VAPA: variants seen among roughly 807,000 people sequenced by gnomAD.
The protein encoded by VAPA is vesicle-associated membrane protein-associated protein A.
VAPA carries 6 observed loss-of-function variants against 25.6 expected under a neutral mutation model. That is an observed-to-expected ratio of 0.23 (90% CI 0.13 to 0.46). VAPA has a LOEUF of 0.46. Ranked by LOEUF, VAPA falls within the 20% of genes least tolerant of loss-of-function variation. The pLI is 0.99. For missense variants in VAPA, 244 were observed against 302.1 expected, an observed-to-expected ratio of 0.81 and a Z score of 1.43; for synonymous variants, 112 against 106.2, an observed-to-expected ratio of 1.05 and a Z score of -0.34.
At chr18:9,920,449 T>G (rs2069147063) in intron 1 of VAPA, among the ~76,000 whole-genome samples, 1 of 152,162 alleles carries the variant, frequency 6.6e-6, no homozygotes, top group African/African-American at 2.4e-5. Context: ...ATTACAGGCG[T>G]GCACCACCAT....
At chr18:9,914,795 A>T (rs892973326) in intron 1 of VAPA, 1 of 152,336 alleles carries the variant, frequency 6.6e-6, no homozygotes, top group Non-Finnish European at 1.5e-5. Flanking sequence ...AGGTGGCGCA[A>T]GCTGCGTCTG....
At chr18:9,916,413 C>T (rs1033564529) in intron 1 of VAPA, among the ~76,000 whole-genome samples, 3 of 152,214 alleles carry the variant, frequency 2.0e-5, no homozygotes, top group Non-Finnish European at 4.4e-5. Context: ...CCCCATCCCT[C>T]CCTTAGGAAG....
At chr18:9,945,227 CA>C (rs1291337355) in intron 4 of VAPA, among the ~76,000 whole-genome samples, 1 of 151,874 alleles carries the variant, frequency 6.6e-6, no homozygotes, top group Non-Finnish European at 1.5e-5. Flanking sequence ...ATCATGCATA[CA>C]AACTATTCTG....
intron 5 of VAPA, chr18:9,950,943 A>G (rs929984772): frequency 1.5e-5 from 3 of 198,438 alleles, no homozygotes; most frequent in East Asian, 1.4e-4. Flanking sequence ...GATTTGTTCA[A>G]ATTGAGCTGT....
At chr18:9,919,080 G>A (rs1190426350) in intron 1 of VAPA, among the ~76,000 whole-genome samples, 1 of 151,990 alleles carries the variant, frequency 6.6e-6, no homozygotes, top group Admixed American at 6.6e-5. Context: ...TGGGGGTGCC[G>A]CTGTGTTGCC....
chr18:9,938,998 TA>T (rs970373679), intron 4 of VAPA, among the ~76,000 whole-genome samples: 1 of 152,088 alleles, frequency 6.6e-6, no homozygotes, highest in East Asian at 1.9e-4. Context: ...CAAAGTACTT[TA>T]AAAAAAGAGA....
At position 9,959,713 on chromosome 18, in the gene VAPA, C is replaced by T. The variant is rs2069585879; in HGVS notation, c.*5502C>T. 2 of 61,996 alleles carry T rather than the reference C, an allele frequency of 3.2e-5. 1 individual carries two copies. The allele number at this position is 61,996 out of a possible 1,614,324, so 3.8% of individuals were successfully genotyped here. ...TGTGAGAGAGAGAGTGAGTTACTGA[C>T]ATTGTTCCAAAAAAAAAAAAAAAAA... On this transcript the variant is annotated 3_prime_UTR_variant, in exon 6 of 6. Coordinates refer to ENST00000400000, the MANE Select transcript of VAPA (RefSeq NM_194434.3).
chr18:9,932,794 C>G (rs1406330794), intron 2 of VAPA, among the ~76,000 whole-genome samples: 1 of 152,162 alleles, frequency 6.6e-6, no homozygotes, highest in African/African-American at 2.4e-5. Context: ...AGATTGGAAT[C>G]TCTAGGAGCA....
chr18:9,935,201 TAGA>T (rs2069296667), intron 2 of VAPA, among the ~76,000 whole-genome samples: 1 of 152,176 alleles, frequency 6.6e-6, no homozygotes, highest in Admixed American at 6.5e-5. Flanking sequence ...TTTGTTTTCT[TAGA>T]AGATTTAAAT....
At chr18:9,949,577 G>T (rs1330403439) in intron 4 of VAPA, 1 of 152,120 alleles carries the variant, frequency 6.6e-6, no homozygotes, top group East Asian at 1.9e-4. Context: ...GAATAAAGCA[G>T]ATTTTACCTA....
chr18:9,950,382 C>T lies in VAPA; in HGVS notation c.418-13C>T, dbSNP rs1439528308. The T allele has an allele frequency of 8.1e-6, 13 of 1,605,002 alleles. No homozygotes were observed. The highest frequency in any genetic ancestry group is 2.2e-5 in the East Asian group (1 of 44,830). On this transcript the variant is annotated splice_polypyrimidine_tract_variant and intron_variant, in intron 4 of 5. Transcript: ENST00000400000. Reference sequence around the variant, plus strand: ...TGGTTAGTTAAAAAATTCCCAATATCTTTGTAATGCAGAATGATATGGAAC... The same window carrying T: ...TGGTTAGTTAAAAAATTCCCAATATTTTTGTAATGCAGAATGATATGGAAC...
chr18:9,952,209 CTT>C (rs1052330189), intron 5 of VAPA, among the ~76,000 whole-genome samples: 3 of 152,132 alleles, frequency 2.0e-5, no homozygotes, highest in African/African-American at 4.8e-5. Flanking sequence ...GGTTTCTACT[CTT>C]TTTATGCTAG....
At chr18:9,936,306 A>G (rs1267657311) in intron 3 of VAPA, 93 bp downstream of exon 3, 20 of 784,466 alleles carry the variant, frequency 2.5e-5, no homozygotes, top group Non-Finnish European at 3.2e-5. Flanking sequence ...TCTAAAAACT[A>G]AAAGTTAAAT....
intron 4 of VAPA, among the ~76,000 whole-genome samples, chr18:9,939,351 A>G (rs1305739711): frequency 6.6e-6 from 1 of 151,688 alleles, no homozygotes; most frequent in African/African-American, 2.4e-5. Context: ...TTTTGTAGAG[A>G]CGGGATTTTG....
At chr18:9,952,308 G>A (rs1047100365) in intron 5 of VAPA, among the ~76,000 whole-genome samples, 1 of 152,092 alleles carries the variant, frequency 6.6e-6, no homozygotes, top group Non-Finnish European at 1.5e-5. Flanking sequence ...GGCTCACACC[G>A]GTAATCCCAG....
Position 9,959,185 on chromosome 18 carries a change from A to AG in VAPA, c.*4976dup, listed in dbSNP as rs1472045424. On this transcript the variant is annotated 3_prime_UTR_variant, in exon 6 of 6. Transcript: ENST00000400000. ...CTGATCCTAGTGATCTACCATATGA[A>AG]GGACATAGTTTGTGTCCTGGTCCAA... 6.6e-6 allele frequency: 1 copy of AG among 152,216 alleles called. No individual in the cohort carries two copies. Among genetic ancestry groups the AG allele is most frequent in the Non-Finnish European group, 1.5e-5 (1 of 68,026 alleles). The allele number at this position is 152,216 out of a possible 1,614,324, so 9.4% of individuals were successfully genotyped here.
intron 1 of VAPA, among the ~76,000 whole-genome samples, chr18:9,927,234 G>A (rs2069207913): frequency 6.6e-6 from 1 of 152,110 alleles, no homozygotes; most frequent in African/African-American, 2.4e-5. Context: ...AGTAAATACA[G>A]CAAAATGTTC....
Position 9,958,591 on chromosome 18 carries a change from G to C in VAPA, c.*4380G>C, listed in dbSNP as rs73393476. ...TTGGTCTGGGGTGGAGATCTGGCAT[G>C]GTAGTTTTTTTCAAGCTCCAATCAT... is the stretch of plus-strand genomic sequence containing the variant. On this transcript the variant is annotated 3_prime_UTR_variant, in exon 6 of 6. Transcript: ENST00000400000. The C allele has an allele frequency of 6.6e-4, 100 of 152,110 alleles. No individual in the cohort carries two copies. Among genetic ancestry groups the C allele is most frequent in the African/African-American group, 2.3e-3 (97 of 41,518 alleles). The allele number at this position is 152,110 out of a possible 1,614,324, so 9.4% of individuals were successfully genotyped here.
intron 1 of VAPA, among the ~76,000 whole-genome samples, chr18:9,920,447 C>T (rs911534037): frequency 3.9e-5 from 6 of 152,150 alleles, no homozygotes; most frequent in Admixed American, 1.3e-4. Context: ...GGATTACAGG[C>T]GTGCACCACC....
Sources: gnomAD v4.1 joint callset for allele counts (sites outside exome capture counted in the v4.1 genomes callset) on GRCh38, gnomAD v4.1.1 for gene constraint, MANE v1.5 for transcripts, NCBI Gene and HGNC (gene_info 2026-07-23, HGNC 2026-07-21) for gene names.